ATP5PD: variants seen among roughly 807,000 people sequenced by gnomAD.
ATP5PD encodes the protein ATP synthase peripheral stalk subunit d, mitochondrial.
ATP5PD carries 13 observed loss-of-function variants against 22.6 expected under a neutral mutation model. The observed-to-expected ratio is 0.58, with a 90% CI of 0.37 to 0.91. ATP5PD has a LOEUF of 0.91. Ranked by LOEUF, ATP5PD falls within the 40% of genes least tolerant of loss-of-function variation. ATP5PD has a pLI of 0.00. For missense variants in ATP5PD, 165 were observed against 188.0 expected, an observed-to-expected ratio of 0.88 and a Z score of 0.72; for synonymous variants, 51 against 65.0, an observed-to-expected ratio of 0.79 and a Z score of 1.03.
At chr17:75,043,204 C>T (rs1447879207) in intron 1 of ATP5PD, among the ~76,000 whole-genome samples, 2 of 152,182 alleles carry the variant, frequency 1.3e-5, no homozygotes, top group African/African-American at 4.8e-5. Context: ...CTGGGCAACA[C>T]AGCAAGAGTC....
rs758879814 is a variant in ATP5PD, at chr17:75,042,381, C to T, written c.123-104G>A. 54 of 1,499,430 alleles carry T rather than the reference C, an allele frequency of 3.6e-5. 1 individual carries two copies. The Middle Eastern group carries it at 8.7e-4, about 24-fold the overall frequency. The allele number at this position is 1,499,430 out of a possible 1,614,324, so 92.9% of individuals were successfully genotyped here. A position where few individuals can be genotyped will look rare whatever the true frequency, so the allele number is the denominator to read the frequency against. On this transcript the variant is annotated intron_variant, in intron 2 of 5. Transcript: ENST00000301587. ...TCCTATGGCCTGGAGGGTCACCACA[C>T]TTTCCTCTCCTAAGATCATCATGAA...
chr17:75,040,419 T>C lies in ATP5PD; in HGVS notation c.220-256A>G, dbSNP rs181415962. ...TAACTCGGAACCCTGGACAATTCTT[T>C]ATGATGATAAGCTTCATTTTCTTCA... is the stretch of plus-strand genomic sequence containing the variant. On this transcript the variant is annotated intron_variant, in intron 3 of 5. Transcript: ENST00000301587. 456 of 470,846 alleles carry C rather than the reference T, an allele frequency of 9.7e-4. 2 individuals are homozygous for C. Among genetic ancestry groups the C allele is most frequent in the African/African-American group, 8.5e-3 (426 of 50,376 alleles). The allele number at this position is 470,846 out of a possible 1,614,324, so 29.2% of individuals were successfully genotyped here.
rs759264615 is a variant in ATP5PD, at chr17:75,039,044, A to T, written c.374T>A (p.Leu125Ter). Residue 125 changes from leucine to a stop codon, truncating the protein, a stop_gained, in exon 6 of 6, where the codon TTA (leucine) becomes TAA (stop). Coordinates refer to ENST00000301587, the MANE Select transcript of ATP5PD (RefSeq NM_006356.3). LOFTEE classifies it high-confidence loss of function. ...AATGGTCATCTGATCAAATGGAATT[A>T]AGTTCTTCATCTTCTCCATCTGGAA... ...YEKEMEKMKN[L>*]IPFDQMTIED... 1 of 1,614,090 alleles carries T rather than the reference A, an allele frequency of 6.2e-7. No individual in the cohort carries two copies. Among genetic ancestry groups the T allele is most frequent in the Admixed American group, 1.7e-5 (1 of 59,980 alleles).
intron 4 of ATP5PD, chr17:75,039,832 G>A (rs545387889): frequency 3.2e-5 from 15 of 474,940 alleles, no homozygotes; most frequent in African/African-American, 1.6e-4. Context: ...ACCATCCCCA[G>A]GCAGCCACTG....
chr17:75,043,378 G>C (rs1043542019), intron 1 of ATP5PD, among the ~76,000 whole-genome samples: 1 of 152,038 alleles, frequency 6.6e-6, no homozygotes, highest in African/African-American at 2.4e-5. Context: ...TTGGGAGGCT[G>C]AGGTGGGTGG....
intron 1 of ATP5PD, among the ~76,000 whole-genome samples, chr17:75,044,797 T>C (rs1455365876): frequency 1.3e-5 from 2 of 152,214 alleles, no homozygotes; most frequent in Admixed American, 1.3e-4. Flanking sequence ...AAAATCTCTA[T>C]AAGCTTGGAG....
intron 3 of ATP5PD, 188 bp downstream of exon 3, chr17:75,041,993 G>A: frequency 1.8e-6 from 1 of 552,264 alleles, no homozygotes; most frequent in Non-Finnish European, 3.2e-6. Flanking sequence ...CTCTACTGCT[G>A]AATGAACAGA....
At chr17:75,046,536 C>G (rs2073218725) in intron 1 of ATP5PD, among the ~76,000 whole-genome samples, 1 of 152,258 alleles carries the variant, frequency 6.6e-6, no homozygotes, top group Admixed American at 6.5e-5. Flanking sequence ...ATCCTGGAAG[C>G]TGCCGAAGGG....
intron 1 of ATP5PD, among the ~76,000 whole-genome samples, chr17:75,042,946 C>T (rs1291258454): frequency 6.6e-6 from 1 of 152,134 alleles, no homozygotes; most frequent in African/African-American, 2.4e-5. Context: ...TGCGGCCAGG[C>T]GCAGTGGGCT....
intron 4 of ATP5PD, chr17:75,039,679 G>A (rs2073138329): frequency 3.7e-6 from 1 of 266,810 alleles, no homozygotes; most frequent in Admixed American, 5.0e-5. Flanking sequence ...TACTACTTGG[G>A]TAATTTTTCT....
At chr17:75,042,395 G>C in intron 2 of ATP5PD, 118 bp from the exon 3 acceptor site, 1 of 1,499,002 alleles carries the variant, frequency 6.7e-7, no homozygotes, top group Non-Finnish European at 9.1e-7. Context: ...CCTCTCCTAA[G>C]ATCATCATGA....
chr17:75,040,796 G>C (rs903655924), intron 3 of ATP5PD: 1 of 151,598 alleles, frequency 6.6e-6, no homozygotes, highest in East Asian at 2.0e-4. Context: ...TGAGGCAAGA[G>C]AACTGCTTGA....
intron 1 of ATP5PD, among the ~76,000 whole-genome samples, chr17:75,043,189 C>T (rs982522297): frequency 1.3e-5 from 2 of 152,196 alleles, no homozygotes; most frequent in Non-Finnish European, 2.9e-5. Context: ...TCAGTGCACC[C>T]TAGCCTGGGC....
chr17:75,040,023 A>C (rs1598685646), intron 4 of ATP5PD, 69 bp downstream of exon 4: 1 of 1,527,198 alleles, frequency 6.5e-7, no homozygotes, highest in South Asian at 1.1e-5. Flanking sequence ...CTCTAACTTA[A>C]CTTAGCTATA....
chr17:75,039,343 TC>T, intron 4 of ATP5PD, 72 bp from the exon 5 acceptor site: 1 of 1,390,378 alleles, frequency 7.2e-7, no homozygotes, highest in Non-Finnish European at 1.0e-6. Flanking sequence ...AAGGTAGGAG[TC>T]GTCCCAGCCC....
At chr17:75,045,539 A>G (rs1411253988) in intron 1 of ATP5PD, among the ~76,000 whole-genome samples, 1 of 152,226 alleles carries the variant, frequency 6.6e-6, no homozygotes, top group Non-Finnish European at 1.5e-5. Context: ...CTAGGTGCGC[A>G]TTCTCTTTCT....
At chr17:75,039,378 T>C in intron 4 of ATP5PD, 107 bp from the exon 5 acceptor site, 5 of 994,900 alleles carry the variant, frequency 5.0e-6, no homozygotes, top group East Asian at 2.4e-5. Context: ...TATTGCTCTA[T>C]GGAGAAACTG....
chr17:75,046,418 C>A (rs368992316), intron 1 of ATP5PD, among the ~76,000 whole-genome samples: 1 of 152,144 alleles, frequency 6.6e-6, no homozygotes, highest in East Asian at 1.9e-4. Flanking sequence ...ATTGCTTAAT[C>A]CCCAGCGCCT....
Position 75,042,608 on chromosome 17 carries a change from C to T in ATP5PD, c.43G>A (p.Ala15Thr). Reference protein sequence around the residue: ...KLALKTIDWVAFAEIIPQNQK... With the variant: ...KLALKTIDWVTFAEIIPQNQK... ...TTCTGGGGTATGATCTCTGCAAAAGCTACCCAGTCAATGGTTTTTAGAGCA... is the reference window on the plus strand; with the variant it reads ...TTCTGGGGTATGATCTCTGCAAAAGTTACCCAGTCAATGGTTTTTAGAGCA... The change falls in exon 2 of 6, where the codon GCT becomes ACT. Residue 15 changes from alanine (A) to threonine (T), a missense_variant. Coordinates refer to ENST00000301587, the MANE Select transcript of ATP5PD (RefSeq NM_006356.3). 2 of 1,612,918 alleles carry T rather than the reference C, an allele frequency of 1.2e-6. No homozygotes were observed. Among genetic ancestry groups the T allele is most frequent in the Non-Finnish European group, 1.7e-6 (2 of 1,179,694 alleles).
Sources: allele counts gnomAD v4.1 joint callset (sites outside exome capture counted in the v4.1 genomes callset), GRCh38; gene constraint gnomAD v4.1.1; transcripts MANE v1.5; gene names NCBI Gene and HGNC (gene_info 2026-07-23, HGNC 2026-07-21).